GRAMD2B: variants seen among roughly 807,000 people sequenced by gnomAD.
GRAMD2B encodes GRAM domain containing 2B.
Under a neutral mutation model 59.2 loss-of-function variants are expected in GRAMD2B, and 41 were observed. The observed-to-expected ratio is 0.69, with a 90% CI of 0.54 to 0.90. The LOEUF is 0.90. Ranked by LOEUF, GRAMD2B falls within the 40% of genes least tolerant of loss-of-function variation. The pLI, the probability that GRAMD2B is intolerant of heterozygous loss-of-function variation, is 0.00. For synonymous variants in GRAMD2B, 161 were observed against 182.7 expected, an observed-to-expected ratio of 0.88 and a Z score of 0.96; for missense variants, 424 against 500.5, an observed-to-expected ratio of 0.85 and a Z score of 1.46.
At chr5:126,465,193 CACAGTCTGGCATTT>C (rs1768077788) in intron 1 of GRAMD2B, 2 of 1,378,138 alleles carry the variant, frequency 1.5e-6, no homozygotes, top group African/African-American at 2.9e-5. Context: ...AGCAAGTCCA[CACAGTCTGGCATTT>C]ACAAGTGAAA....
intron 1 of GRAMD2B, among the ~76,000 whole-genome samples, chr5:126,376,236 C>T (rs190158017): frequency 6.6e-6 from 1 of 152,092 alleles, no homozygotes; most frequent in East Asian, 1.9e-4. Context: ...CAAACAAGGC[C>T]CAAGATGGGA....
chr5:126,464,964 A>C (rs1318186292), intron 1 of GRAMD2B: 23 of 684,802 alleles, frequency 3.4e-5, no homozygotes, highest in Non-Finnish European at 4.1e-5. Flanking sequence ...TAAATTGCTT[A>C]GGGAACTGCT....
chr5:126,492,611 C>T (rs987211717), intron 13 of GRAMD2B, among the ~76,000 whole-genome samples: 4 of 151,738 alleles, frequency 2.6e-5, no homozygotes, highest in African/African-American at 9.7e-5. Flanking sequence ...GTCCCAGCTA[C>T]TTGGGAGGCT....
Position 126,480,440 on chromosome 5 carries a change from C to G in GRAMD2B, c.583-16C>G, listed in dbSNP as rs746162501. On this transcript the variant is annotated splice_polypyrimidine_tract_variant and intron_variant, in intron 6 of 13. Coordinates refer to ENST00000285689, the MANE Select transcript of GRAMD2B (RefSeq NM_023927.4). ...CCGGCAATATCTATTCATAATTATC[C>G]TGTTTTGTTTTTCAGTACATATTTG... The G allele has an allele frequency of 2.6e-6, 4 of 1,566,578 alleles. No individual in the cohort carries two copies. In the Admixed American group the frequency reaches 6.7e-5, roughly 26 times the overall value.
Position 126,485,689 on chromosome 5 carries a change from T to G in GRAMD2B, c.974T>G (p.Leu325Arg), listed in dbSNP as rs758289061. 6.2e-7 allele frequency: 1 copy of G among 1,606,726 alleles called. No individual in the cohort carries two copies. The highest frequency in any genetic ancestry group is 8.5e-7 in the Non-Finnish European group (1 of 1,174,612). Residue 325 changes from leucine to arginine, a missense_variant, in exon 11 of 14, where the codon CTG becomes CGG. By Grantham distance (102) the Leu-to-Arg change is moderately radical. Coordinates refer to ENST00000285689, the MANE Select transcript of GRAMD2B (RefSeq NM_023927.4). ...TTTTTTGTTTTCCTCCCAACAGGTC[T>G]GTCAGAAACTGTTGGAATCTTACAT... ...GKAKSLPVQG[L>R]SETVGILHKV...
At chr5:126,492,556 A>G (rs6862261) in intron 13 of GRAMD2B, among the ~76,000 whole-genome samples, 54,081 of 151,808 alleles carry the variant, frequency 0.36, 11,540 homozygotes, top group East Asian at 0.71. Flanking sequence ...CTCCATGTAT[A>G]CAAAAAGTGC....
intron 10 of GRAMD2B, 132 bp downstream of exon 10, chr5:126,484,656 T>G (rs1463069206): frequency 1.2e-6 from 1 of 847,334 alleles, no homozygotes; most frequent in African/African-American, 1.7e-5. Flanking sequence ...TGATCTTGGC[T>G]CACTGCAACC....
chr5:126,399,699 C>A lies in GRAMD2B; in HGVS notation c.125+28132C>A, dbSNP rs139559369. Reference sequence around the variant, plus strand: ...TACAATATATTTATAGTTGCTATATCTTTCTGTTGAATTGACCCTTTTAAC... The same window carrying A: ...TACAATATATTTATAGTTGCTATATATTTCTGTTGAATTGACCCTTTTAAC... On this transcript the variant is annotated intron_variant, in intron 1 of 8. Coordinates refer to the GRAMD2B transcript ENST00000506445. Among the ~76,000 whole-genome samples, 1,320 of 152,256 alleles carry A rather than the reference C, an allele frequency of 8.7e-3. 4 individuals are homozygous for A. The highest frequency in any genetic ancestry group is 0.02 in the Middle Eastern group (6 of 294).
At chr5:126,382,272 C>T (rs1270792625) in intron 1 of GRAMD2B, among the ~76,000 whole-genome samples, 2 of 152,178 alleles carry the variant, frequency 1.3e-5, no homozygotes, top group South Asian at 2.1e-4. Flanking sequence ...TCAGTTATTC[C>T]CTCAAATATG....
chr5:126,435,071 T>A (rs1042276838), intron 1 of GRAMD2B, among the ~76,000 whole-genome samples: 6 of 152,230 alleles, frequency 3.9e-5, no homozygotes, highest in Admixed American at 1.3e-4. Context: ...TCTTCTCTAA[T>A]CCAAAGTAAG....
chr5:126,442,541 C>G (rs985410375), intron 1 of GRAMD2B, among the ~76,000 whole-genome samples: 6 of 152,158 alleles, frequency 3.9e-5, no homozygotes. Context: ...ATCCACCCGC[C>G]TTGGCCTCCC....
intron 1 of GRAMD2B, among the ~76,000 whole-genome samples, chr5:126,363,100 A>G (rs1754291718): frequency 1.3e-5 from 2 of 152,212 alleles, no homozygotes; most frequent in African/African-American, 4.8e-5. Flanking sequence ...GCCACAATAT[A>G]TAAAGCATAC....
chr5:126,462,376 A>G, intron 1 of GRAMD2B: 1 of 984,216 alleles, frequency 1.0e-6, no homozygotes, highest in Non-Finnish European at 1.2e-6. Context: ...TGCTCACTCA[A>G]ACACACGCTA....
rs183298034 is a variant in GRAMD2B at position 126,443,585 on chromosome 5, G to A, written c.83+19896G>A. 5.2e-4 allele frequency among the ~76,000 whole-genome samples: 79 copies of A among 152,210 alleles called. 2 individuals carry two copies. The highest frequency in any genetic ancestry group is 5.0e-3 in the Admixed American group (77 of 15,288). ...GTCTCTTCAAAGACATCTTTGCCCA[G>A]TCACCTTCTGCTCTCCCCACAGAGA... On this transcript the variant is annotated intron_variant, in intron 1 of 13. Coordinates refer to ENST00000285689, the MANE Select transcript of GRAMD2B (RefSeq NM_023927.4).
chr5:126,474,412 T>C (rs1459536852), intron 5 of GRAMD2B, among the ~76,000 whole-genome samples: 5 of 152,272 alleles, frequency 3.3e-5, no homozygotes, highest in Non-Finnish European at 7.3e-5. Flanking sequence ...GTAAAACATA[T>C]TCTTTTTTAT....
intron 2 of GRAMD2B, among the ~76,000 whole-genome samples, chr5:126,468,668 A>C (rs1468812704): frequency 6.6e-6 from 1 of 151,776 alleles, no homozygotes; most frequent in Non-Finnish European, 1.5e-5. Flanking sequence ...TTGTATTTTT[A>C]ATAGAGATGG....
At chr5:126,381,385 T>G (rs944527182) in intron 1 of GRAMD2B, among the ~76,000 whole-genome samples, 1 of 152,082 alleles carries the variant, frequency 6.6e-6, no homozygotes, top group Admixed American at 6.6e-5. Flanking sequence ...CCTTTCCTGG[T>G]TTTGGTACTG....
chr5:126,380,445 T>C (rs1340258664), intron 1 of GRAMD2B, among the ~76,000 whole-genome samples: 1 of 151,954 alleles, frequency 6.6e-6, no homozygotes, highest in Non-Finnish European at 1.5e-5. Context: ...AGAATGATAG[T>C]GGTATTTTGA....
intron 1 of GRAMD2B, among the ~76,000 whole-genome samples, chr5:126,425,327 G>A (rs543175560): frequency 6.6e-6 from 1 of 152,276 alleles, no homozygotes; most frequent in African/African-American, 2.4e-5. Context: ...AGAAAATGTG[G>A]TATATATACA....
Sources: gnomAD v4.1 joint callset for allele counts (sites outside exome capture counted in the v4.1 genomes callset) on GRCh38, gnomAD v4.1.1 for gene constraint, MANE v1.5 for transcripts, NCBI Gene and HGNC (gene_info 2026-07-23, HGNC 2026-07-21) for gene names.